SEPTIN6: variants seen among roughly 807,000 people sequenced by gnomAD.
SEPTIN6 encodes septin 6.
In SEPTIN6, 8 loss-of-function variants were observed where a neutral mutation model predicts 33.6. The ratio of observed to expected loss-of-function variants is 0.24; its 90% CI spans 0.14 to 0.43. The LOEUF (loss-of-function observed/expected upper bound fraction) is 0.43. Among genes scored for constraint, SEPTIN6 ranks in the 20% least tolerant of loss-of-function variants. The probability of loss-of-function intolerance (pLI) is 1.00; values close to 1 mark genes in which losing one functional copy is unlikely to be tolerated. For missense variants in SEPTIN6, 250 were observed against 340.8 expected (o/e 0.73, Z 2.10); for synonymous variants, 131 against 140.0 (o/e 0.94, Z 0.45).
intron 2 of SEPTIN6, among the ~76,000 whole-genome samples, chrX:119,668,251 T>G (rs1455135333): frequency 1.8e-5 from 2 of 110,007 alleles, no homozygotes; most frequent in Non-Finnish European, 3.8e-5. Context: ...AGCAGAGATC[T>G]CACCACCACA....
At chrX:119,681,138 A>G (rs1472577783) in intron 1 of SEPTIN6, among the ~76,000 whole-genome samples, 1 of 111,243 alleles carries the variant, frequency 9.0e-6, no homozygotes, top group African/African-American at 3.3e-5. Flanking sequence ...AAAGGTAGGA[A>G]GGACAGAAGG....
intron 2 of SEPTIN6, among the ~76,000 whole-genome samples, chrX:119,668,224 AG>A (rs1460312892): frequency 3.6e-5 from 4 of 110,805 alleles, no homozygotes; most frequent in Non-Finnish European, 7.6e-5. Context: ...TGAACCCGGG[AG>A]GCGGAGGTTG....
chrX:119,634,387 G>C (rs1219549917), intron 7 of SEPTIN6, among the ~76,000 whole-genome samples: 6 of 100,289 alleles, frequency 6.0e-5, no homozygotes, highest in African/African-American at 2.2e-4. Context: ...AAAAAAAAAA[G>C]CAATAGCCTG....
chrX:119,655,360 C>T (rs983460776), intron 3 of SEPTIN6, among the ~76,000 whole-genome samples: 24 of 110,169 alleles, frequency 2.2e-4, no homozygotes, highest in African/African-American at 7.9e-4. Context: ...CCCTCCACCC[C>T]CAGGCCCCAG....
At chrX:119,671,237 G>T (rs958634890) in intron 2 of SEPTIN6, among the ~76,000 whole-genome samples, 1 of 110,510 alleles carries the variant, frequency 9.0e-6, no homozygotes, top group African/African-American at 3.3e-5. Flanking sequence ...CTTGAGCCCA[G>T]GAGTTAGGGA....
At chrX:119,668,412 C>T (rs1433748972) in intron 2 of SEPTIN6, among the ~76,000 whole-genome samples, 1 of 112,251 alleles carries the variant, frequency 8.9e-6, no homozygotes, top group East Asian at 2.8e-4. Flanking sequence ...ATGAACTGAG[C>T]TCTTTCCCCT....
intron 7 of SEPTIN6, among the ~76,000 whole-genome samples, chrX:119,634,877 T>C (rs1190725659): frequency 9.2e-6 from 1 of 108,508 alleles, no homozygotes; most frequent in African/African-American, 3.4e-5. Flanking sequence ...GGTGAGGTGG[T>C]GGGCGCCTGT....
At chrX:119,689,257 C>G (rs980095237) in intron 1 of SEPTIN6, among the ~76,000 whole-genome samples, 3 of 111,931 alleles carry the variant, frequency 2.7e-5, no homozygotes, top group African/African-American at 9.7e-5. Context: ...TTGAAAGGAA[C>G]AGCTCATTAA....
At chrX:119,655,470 T>A (rs766253603) in intron 3 of SEPTIN6, among the ~76,000 whole-genome samples, 62 of 111,307 alleles carry the variant, frequency 5.6e-4, no homozygotes, top group Non-Finnish European at 1.0e-3. Flanking sequence ...TCTTATAGGC[T>A]ACCTCCTCCC....
At position 119,620,072 on chromosome X, in the gene SEPTIN6, T is replaced by A. The variant is rs778820285; in HGVS notation, c.*42-21A>T. 4.4e-6 allele frequency: 5 copies of A among 1,133,233 alleles called. No homozygotes were observed. In the African/African-American group the frequency reaches 5.9e-5, roughly 13 times the overall value. 93.4% of individuals were successfully genotyped at this position (1,133,233 alleles called of 1,213,427 possible). ...CCAAACTGAAAATGAAAAGAGAAGC[T>A]GAGTTAATGAATGGATAGATTAATG... On this transcript the variant is annotated intron_variant, in intron 10 of 10. Coordinates refer to ENST00000394610, the MANE Select transcript of SEPTIN6 (RefSeq NM_145799.4).
chrX:119,673,633 G>A (rs1327433037), intron 2 of SEPTIN6, among the ~76,000 whole-genome samples: 3 of 110,102 alleles, frequency 2.7e-5, no homozygotes, highest in Non-Finnish European at 3.8e-5. Flanking sequence ...TTGGGAGGCC[G>A]AGGTGGGCGG....
At position 119,675,587 on chromosome X, in the gene SEPTIN6, T is replaced by TGAC; in HGVS notation, c.109_111dup (p.Val37dup). On this transcript the variant is annotated inframe_insertion, in exon 2 of 11. Coordinates refer to ENST00000394610, the MANE Select transcript of SEPTIN6 (RefSeq NM_145799.4). Reference sequence around the variant, plus strand: ...AGGATGTTGAAGCAGAAGCCCTGGCTGACGGACTTATTCACCAGCTGGTCA... The same window carrying TGAC: ...AGGATGTTGAAGCAGAAGCCCTGGCTGACGACGGACTTATTCACCAGCTGGTCA... The TGAC allele has an allele frequency of 8.6e-7, 1 of 1,169,314 alleles. No individual in the cohort carries two copies. The highest frequency in any genetic ancestry group is 1.1e-6 in the Non-Finnish European group (1 of 870,453).
intron 2 of SEPTIN6, among the ~76,000 whole-genome samples, chrX:119,666,911 C>T (rs2054650450): frequency 9.0e-6 from 1 of 111,256 alleles, no homozygotes; most frequent in African/African-American, 3.3e-5. Context: ...ACGGGGCCAG[C>T]ACCTTGGAGG....
intron 10 of SEPTIN6, among the ~76,000 whole-genome samples, chrX:119,621,680 C>A (rs1481368733): frequency 9.2e-6 from 1 of 108,362 alleles, no homozygotes; most frequent in Non-Finnish European, 1.9e-5. Flanking sequence ...TTAGTAGAGA[C>A]AGGGTTTCAC....
At chrX:119,631,322 A>T (rs2053956585) in intron 8 of SEPTIN6, among the ~76,000 whole-genome samples, 2 of 109,112 alleles carry the variant, frequency 1.8e-5, no homozygotes, top group Non-Finnish European at 3.8e-5. Context: ...CTGGGACTAC[A>T]GGCACGTGCT....
intron 1 of SEPTIN6, among the ~76,000 whole-genome samples, chrX:119,691,545 C>G: frequency 9.0e-6 from 1 of 111,604 alleles, no homozygotes; most frequent in Non-Finnish European, 1.9e-5. Flanking sequence ...GAGAATGTCC[C>G]CTGTCTACTC....
Position 119,636,906 on chromosome X carries a change from CT to C in SEPTIN6, c.956+120del, listed in dbSNP as rs967762286. 21 of 853,236 alleles carry C rather than the reference CT, an allele frequency of 2.5e-5. No homozygotes were observed. In the Admixed American group the frequency reaches 7.4e-4, roughly 30 times the overall value. The allele number at this position is 853,236 out of a possible 1,213,427, so 70.3% of individuals were successfully genotyped here. A position where few individuals can be genotyped will look rare whatever the true frequency, so the allele number is the denominator to read the frequency against. ...ACTGGCAAGTGAGTCGCCCCTGCTC[CT>C]TGAGGTCTTAGCACCCGTGTCTCGC... On this transcript the variant is annotated intron_variant, in intron 7 of 10. Transcript: ENST00000394610.
chrX:119,655,854 T>G (rs1390488159), intron 3 of SEPTIN6, among the ~76,000 whole-genome samples: 3 of 112,320 alleles, frequency 2.7e-5, no homozygotes, highest in African/African-American at 9.7e-5. Context: ...AGTTTAGCAG[T>G]TTCTTCAGCT....
At chrX:119,635,756 G>A (rs1009054702) in intron 7 of SEPTIN6, among the ~76,000 whole-genome samples, 6 of 111,338 alleles carry the variant, frequency 5.4e-5, no homozygotes, top group African/African-American at 2.0e-4. Context: ...TGAGAGATGG[G>A]GAAGAGGAAC....
Sources: gnomAD v4.1 joint callset for allele counts (sites outside exome capture counted in the v4.1 genomes callset) on GRCh38, gnomAD v4.1.1 for gene constraint, MANE v1.5 for transcripts, NCBI Gene and HGNC (gene_info 2026-07-23, HGNC 2026-07-21) for gene names.